CTNNA3: variants seen among roughly 807,000 people sequenced by gnomAD.
The protein encoded by CTNNA3 is catenin alpha 3.
A neutral mutation model predicts 95.7 loss-of-function variants in CTNNA3; 76 were observed. The ratio of observed to expected loss-of-function variants is 0.79; its 90% CI spans 0.66 to 0.96. The LOEUF (loss-of-function observed/expected upper bound fraction) is 0.96, where lower values mean the gene tolerates loss of function less well. Among genes scored for constraint, CTNNA3 ranks in the 40% least tolerant of loss-of-function variants. CTNNA3 has a pLI of 0.00. For missense variants in CTNNA3, 1,191 were observed against 1,089.8 expected, an observed-to-expected ratio of 1.09 and a Z score of -1.31; for synonymous variants, 431 against 374.4, an observed-to-expected ratio of 1.15 and a Z score of -1.74.
At chr10:66,332,806 C>T (rs1465118148) in intron 12 of CTNNA3, among the ~76,000 whole-genome samples, 1 of 152,020 alleles carries the variant, frequency 6.6e-6, no homozygotes, top group East Asian at 1.9e-4. Context: ...GGAATGGTAC[C>T]AGCTCCTCCT....
intron 9 of CTNNA3, among the ~76,000 whole-genome samples, chr10:66,629,737 T>G (rs1365040643): frequency 6.6e-6 from 1 of 152,102 alleles, no homozygotes; most frequent in East Asian, 1.9e-4. Context: ...TTCAGCTATA[T>G]CAATGTACTT....
chr10:66,888,328 C>T (rs1047005437), intron 7 of CTNNA3, among the ~76,000 whole-genome samples: 1 of 152,118 alleles, frequency 6.6e-6, no homozygotes, highest in African/African-American at 2.4e-5. Flanking sequence ...CAGATTCTCC[C>T]CTGGAACCTC....
At chr10:67,672,458 G>A (rs1213836519) in intron 1 of CTNNA3, among the ~76,000 whole-genome samples, 5 of 152,264 alleles carry the variant, frequency 3.3e-5, no homozygotes, top group South Asian at 4.1e-4. Context: ...GAATGGTATC[G>A]CCTAGGTTTT....
chr10:66,256,438 C>T (rs756999451), intron 13 of CTNNA3, among the ~76,000 whole-genome samples: 10 of 152,088 alleles, frequency 6.6e-5, no homozygotes, highest in Non-Finnish European at 1.5e-4. Flanking sequence ...AAAAAAGGTG[C>T]TTGGGGCGCG....
chr10:66,441,395 G>A (rs1466248268), intron 11 of CTNNA3, among the ~76,000 whole-genome samples: 2 of 152,078 alleles, frequency 1.3e-5, no homozygotes, highest in Non-Finnish European at 2.9e-5. Context: ...AATTTCTCTG[G>A]AGAAAAGGGA....
At chr10:67,634,826 C>G (rs1839254322) in intron 2 of CTNNA3, among the ~76,000 whole-genome samples, 1 of 152,136 alleles carries the variant, frequency 6.6e-6, no homozygotes, top group Non-Finnish European at 1.5e-5. Context: ...ATGCACAAAG[C>G]AAGTCCTTAG....
intron 2 of CTNNA3, among the ~76,000 whole-genome samples, chr10:67,640,333 C>T (rs993645639): frequency 2.6e-5 from 4 of 152,062 alleles, no homozygotes; most frequent in South Asian, 4.2e-4. Flanking sequence ...AACTACAAAC[C>T]ACTGCTCAAT....
At chr10:66,177,413 T>G (rs568675693) in intron 13 of CTNNA3, among the ~76,000 whole-genome samples, 1 of 152,098 alleles carries the variant, frequency 6.6e-6, no homozygotes, top group South Asian at 2.1e-4. Flanking sequence ...TTTTAAAAAT[T>G]TTGTTCTTTA....
At chr10:65,969,279 T>C (rs1047601482) in intron 16 of CTNNA3, among the ~76,000 whole-genome samples, 1 of 151,776 alleles carries the variant, frequency 6.6e-6, no homozygotes, top group African/African-American at 2.4e-5. Flanking sequence ...AAAAGAAAAA[T>C]TATATCTGCA....
chr10:66,343,703 C>G (rs773274164), intron 12 of CTNNA3, among the ~76,000 whole-genome samples: 2 of 151,870 alleles, frequency 1.3e-5, no homozygotes. Context: ...TATATAGTTT[C>G]AAATAGCTAG....
At chr10:66,105,360 G>A (rs35503481) in intron 13 of CTNNA3, among the ~76,000 whole-genome samples, 11,113 of 152,118 alleles carry the variant, frequency 0.073, 523 homozygotes, top group Non-Finnish European at 0.11. Context: ...TATATCACCA[G>A]GCCCTATAAC....
At chr10:66,558,114 A>G (rs1471351584) in intron 10 of CTNNA3, among the ~76,000 whole-genome samples, 1 of 152,124 alleles carries the variant, frequency 6.6e-6, no homozygotes, top group Non-Finnish European at 1.5e-5. Flanking sequence ...AGCACTGGGG[A>G]AAACTGGGAT....
At chr10:66,013,921 GT>G (rs758281018) in intron 15 of CTNNA3, among the ~76,000 whole-genome samples, 12 of 152,082 alleles carry the variant, frequency 7.9e-5, no homozygotes, top group Non-Finnish European at 1.3e-4. Context: ...ATTCAAAGCT[GT>G]TTGCCTTGAC....
chr10:67,401,216 T>C (rs1248643963), intron 5 of CTNNA3, among the ~76,000 whole-genome samples: 1 of 152,196 alleles, frequency 6.6e-6, no homozygotes, highest in Non-Finnish European at 1.5e-5. Context: ...CTTGAACTCC[T>C]GAGCCTCCAG....
chr10:67,295,457 C>G (rs901322282), intron 5 of CTNNA3, among the ~76,000 whole-genome samples: 5 of 151,912 alleles, frequency 3.3e-5, no homozygotes, highest in Admixed American at 2.6e-4. Flanking sequence ...TCATTTGAGT[C>G]ACGTGGGAAT....
At chr10:67,055,477 C>G (rs892860239) in intron 7 of CTNNA3, among the ~76,000 whole-genome samples, 1 of 151,956 alleles carries the variant, frequency 6.6e-6, no homozygotes, top group Non-Finnish European at 1.5e-5. Flanking sequence ...GTTGTTTTAA[C>G]CAAACAGACT....
At chr10:66,730,553 A>G (rs1848927118) in intron 9 of CTNNA3, among the ~76,000 whole-genome samples, 1 of 152,164 alleles carries the variant, frequency 6.6e-6, no homozygotes, top group South Asian at 2.1e-4. Context: ...CTACCATGAC[A>G]CATGTTTATC....
chr10:65,999,461 C>T (rs953487099), intron 15 of CTNNA3, among the ~76,000 whole-genome samples: 1 of 152,120 alleles, frequency 6.6e-6, no homozygotes, highest in African/African-American at 2.4e-5. Flanking sequence ...TAAATGCATA[C>T]CTTGTTAGGA....
At chr10:66,260,624 C>T (rs1564821093) in intron 13 of CTNNA3, among the ~76,000 whole-genome samples, 1 of 152,104 alleles carries the variant, frequency 6.6e-6, no homozygotes, top group Non-Finnish European at 1.5e-5. Context: ...CTTACCTACT[C>T]AAATTTCTTC....
Sources: gnomAD v4.1 joint callset for allele counts (sites outside exome capture counted in the v4.1 genomes callset) on GRCh38, gnomAD v4.1.1 for gene constraint, MANE v1.5 for transcripts, NCBI Gene and HGNC (gene_info 2026-07-23, HGNC 2026-07-21) for gene names.